The following NAV1 variants were observed in gnomAD, a reference collection of about 807,000 sequenced individuals.
The protein encoded by NAV1 is pore membrane and/or filament interacting like protein 3.
A neutral mutation model predicts 175.2 loss-of-function variants in NAV1; 18 were observed. The observed-to-expected ratio is 0.10, with a 90% confidence interval of 0.07 to 0.15. NAV1 has a LOEUF of 0.15. Among genes scored for constraint, NAV1 ranks in the 10% least tolerant of loss-of-function variants. NAV1 has a pLI of 1.00. For missense variants in NAV1, 1,731 were observed against 2,436.6 expected (o/e 0.71, Z 6.10); for synonymous variants, 897 against 978.7 (o/e 0.92, Z 1.56).
At chr1:201,686,584 T>C (rs962560200) in intron 1 of NAV1, among the ~76,000 whole-genome samples, 1 of 152,250 alleles carries the variant, frequency 6.6e-6, no homozygotes, top group Non-Finnish European at 1.5e-5. Flanking sequence ...CATTTCTTTA[T>C]GCTGAACTGA....
intron 15 of NAV1, chr1:201,795,504 C>T (rs1334665682): frequency 6.6e-6 from 1 of 152,122 alleles, no homozygotes; most frequent in Non-Finnish European, 1.5e-5. Flanking sequence ...CATTCCTTCC[C>T]TGCTTATAAA....
intron 2 of NAV1, among the ~76,000 whole-genome samples, chr1:201,634,514 C>T (rs770102933): frequency 7.2e-5 from 11 of 152,138 alleles, no homozygotes; most frequent in Non-Finnish European, 1.3e-4. Flanking sequence ...AGTGGGATCA[C>T]CAGCCTGGCT....
chr1:201,667,114 T>C (rs1669853803), intron 1 of NAV1, among the ~76,000 whole-genome samples: 1 of 152,094 alleles, frequency 6.6e-6, no homozygotes, highest in Non-Finnish European at 1.5e-5. Context: ...GCTAGATGAG[T>C]TCTGAGAGAT....
intron 1 of NAV1, among the ~76,000 whole-genome samples, chr1:201,661,665 A>C (rs113045780): frequency 1.3e-5 from 2 of 152,244 alleles, no homozygotes; most frequent in African/African-American, 4.8e-5. Context: ...GAGATGCTGC[A>C]TGGGAAAGGA....
chr1:201,747,148 G>A (rs551077791), intron 3 of NAV1, among the ~76,000 whole-genome samples: 6 of 152,250 alleles, frequency 3.9e-5, no homozygotes, highest in Admixed American at 2.6e-4. Flanking sequence ...TAAAGAAATC[G>A]GAACATATGG....
At position 201,802,259 on chromosome 1, in the gene NAV1, C is replaced by T. The variant is rs1677949286; in HGVS notation, c.3518-1334C>T. 3.6e-5 allele frequency among the ~76,000 whole-genome samples: 5 copies of T among 137,204 alleles called. No individual in the cohort carries two copies. The South Asian group carries it at 1.2e-3, about 34-fold the overall frequency. The allele number at this position is 137,204 out of a possible 152,430, so 90.0% of individuals were successfully genotyped here. A position where few individuals can be genotyped will look rare whatever the true frequency, so the allele number is the denominator to read the frequency against. Reference sequence around the variant, plus strand: ...GACGGAGGTTGCAGTGAGCCAAGATCGCACCACCGCACTCTAGCCTGCGCA... The same window carrying T: ...GACGGAGGTTGCAGTGAGCCAAGATTGCACCACCGCACTCTAGCCTGCGCA... On this transcript the variant is annotated intron_variant, in intron 15 of 29. Transcript: ENST00000367296.
chr1:201,811,790 G>A (rs201692792), intron 25 of NAV1, 33 bp downstream of exon 29: 267 of 1,604,418 alleles, frequency 1.7e-4, no homozygotes, highest in Admixed American at 6.2e-4. Context: ...AAAATTCATC[G>A]AAGTGGGAGG....
intron 1 of NAV1, among the ~76,000 whole-genome samples, chr1:201,581,303 T>C (rs1165029252): frequency 6.6e-6 from 1 of 151,790 alleles, no homozygotes; most frequent in Non-Finnish European, 1.5e-5. Flanking sequence ...GATTCACAGG[T>C]TGGAATGGAT....
intron 1 of NAV1, 139 bp downstream of exon 5, chr1:201,649,564 A>T (rs1432482335): frequency 2.2e-6 from 3 of 1,360,496 alleles, no homozygotes; most frequent in Non-Finnish European, 9.7e-7. Context: ...TGTGATGGGC[A>T]TTGCGCCCAG....
chr1:201,781,950 T>A (rs541775855), intron 5 of NAV1, among the ~76,000 whole-genome samples: 7 of 152,234 alleles, frequency 4.6e-5, no homozygotes, highest in African/African-American at 1.4e-4. Flanking sequence ...CATTCTACTC[T>A]GGGAGCAAAA....
chr1:201,558,028 A>T (rs1666082014), intron 1 of NAV1, among the ~76,000 whole-genome samples: 1 of 152,234 alleles, frequency 6.6e-6, no homozygotes, highest in Non-Finnish European at 1.5e-5. Context: ...CTGGGTTTCT[A>T]TCCTGCTGCC....
chr1:201,558,407 G>A (rs748754774), intron 1 of NAV1, among the ~76,000 whole-genome samples: 5 of 152,190 alleles, frequency 3.3e-5, no homozygotes, highest in South Asian at 2.1e-4. Flanking sequence ...ACCAAAGAAC[G>A]AACACTGGTT....
chr1:201,596,988 G>A (rs1667366253), intron 2 of NAV1, among the ~76,000 whole-genome samples: 1 of 152,078 alleles, frequency 6.6e-6, no homozygotes. Flanking sequence ...ACCACACCCA[G>A]CTAATTTTTG....
chr1:201,667,765 C>T (rs1005956743), intron 1 of NAV1, among the ~76,000 whole-genome samples: 2 of 152,200 alleles, frequency 1.3e-5, no homozygotes, highest in Non-Finnish European at 2.9e-5. Flanking sequence ...AAAGTCACTC[C>T]GCAGTTCCTC....
chr1:201,780,983 C>T (rs1676290118), intron 4 of NAV1, 29 bp from the exon 9 acceptor site: 1 of 1,566,910 alleles, frequency 6.4e-7, no homozygotes, highest in Non-Finnish European at 8.6e-7. Context: ...ATAGAAGTAT[C>T]TCACTCTGCC....
chr1:201,653,524 G>T (rs1338772190), intron 1 of NAV1, among the ~76,000 whole-genome samples: 5 of 152,146 alleles, frequency 3.3e-5, no homozygotes, highest in Non-Finnish European at 5.9e-5. Context: ...GTGCAAGGGG[G>T]TCGCTCCAGT....
At chr1:201,728,706 G>A (rs171242) in intron 3 of NAV1, among the ~76,000 whole-genome samples, 93,823 of 151,806 alleles carry the variant, frequency 0.62, 29,798 homozygotes, top group Non-Finnish European at 0.71. Flanking sequence ...AGCAATCCCC[G>A]ATCCCCCCTG....
chr1:201,810,052 C>T lies in NAV1; in HGVS notation c.4508C>T (p.Pro1503Leu). 6.2e-7 allele frequency: 1 copy of T among 1,614,018 alleles called. No individual in the cohort carries two copies. The highest frequency in any genetic ancestry group is 1.1e-5 in the South Asian group (1 of 91,054). ...AAACGAGTGTTGGATGCAGAGCCCC[C>T]CGAGATGCCTCCTTGCCGTCGAGGT... is the stretch of plus-strand genomic sequence containing the variant. The change falls in exon 23 of 30, where the codon CCC becomes CTC. Residue 1503 changes from proline to leucine, a missense_variant. Pro to Leu is a moderately conservative substitution (Grantham distance 98, BLOSUM62 -3). Around this residue, in one of 13 missense-constraint regions of NAV1, gnomAD observed 36 missense variants for 45.3 expected, o/e 0.80. Transcript: ENST00000367296. This position sits in a 1 kb window ranked among gnomAD's most constrained non-coding sequence, Gnocchi z 6.0.
intron 2 of NAV1, among the ~76,000 whole-genome samples, chr1:201,617,458 C>T (rs931592385): frequency 2.7e-4 from 41 of 152,314 alleles, no homozygotes; most frequent in African/African-American, 9.6e-4. Context: ...CACGGGAGCT[C>T]ATGCCTATAA....
Sources: allele counts gnomAD v4.1 joint callset (sites outside exome capture counted in the v4.1 genomes callset), GRCh38; gene constraint gnomAD v4.1.1; regional missense constraint gnomAD v4.1.1; non-coding constraint Gnocchi (gnomAD v3.1); transcripts MANE v1.5; gene names NCBI Gene and HGNC (gene_info 2026-07-23, HGNC 2026-07-21).